Variants in AFF1 observed in about 807,000 individuals in gnomAD.
AFF1 encodes ALF transcription elongation factor 1, also known as AF4/FMR2 family member 1.
Under a neutral mutation model 121.7 loss-of-function variants are expected in AFF1, and 48 were observed. The observed-to-expected ratio is 0.39, with a 90% CI of 0.31 to 0.50. AFF1 has a LOEUF of 0.50. Ranked by LOEUF, AFF1 falls within the 20% of genes least tolerant of loss-of-function variation. The pLI, the probability that AFF1 is intolerant of heterozygous loss-of-function variation, is 0.76. For synonymous variants in AFF1, 613 were observed against 563.0 expected (o/e 1.09, Z -1.26); for missense variants, 1,523 against 1,511.7 (o/e 1.01, Z -0.12).
chr4:86,973,656 T>C (rs777202809), intron 2 of AFF1, among the ~76,000 whole-genome samples: 9 of 152,224 alleles, frequency 5.9e-5, no homozygotes, highest in Admixed American at 1.3e-4. Flanking sequence ...ATTTCTTACC[T>C]AGACTCAGCA....
At chr4:87,001,997 A>T (rs1385551939) in intron 2 of AFF1, among the ~76,000 whole-genome samples, 1 of 152,258 alleles carries the variant, frequency 6.6e-6, no homozygotes, top group African/African-American at 2.4e-5. Flanking sequence ...AAAATGCTAC[A>T]AAGGGTAGAA....
intron 12 of AFF1, among the ~76,000 whole-genome samples, chr4:87,115,764 A>G (rs779931448): frequency 4.3e-4 from 65 of 151,684 alleles, no homozygotes; most frequent in Admixed American, 3.3e-3. Flanking sequence ...GTGTGCCACC[A>G]CACCCGGCTA....
chr4:86,940,090 G>A (rs562662314), intron 1 of AFF1, among the ~76,000 whole-genome samples: 188 of 152,260 alleles, frequency 1.2e-3, no homozygotes, highest in Non-Finnish European at 1.4e-3. Flanking sequence ...AGGCAGAGGC[G>A]AAAGGATCAT....
chr4:87,016,157 G>A (rs530457525), intron 2 of AFF1, among the ~76,000 whole-genome samples: 1 of 152,230 alleles, frequency 6.6e-6, no homozygotes, highest in East Asian at 1.9e-4. Context: ...CTCCAGCCTG[G>A]GCGATCTTTT....
chr4:86,984,408 C>A (rs1724044718), intron 2 of AFF1, among the ~76,000 whole-genome samples: 1 of 149,992 alleles, frequency 6.7e-6, no homozygotes, highest in Non-Finnish European at 1.5e-5. Context: ...GCTCACGCAA[C>A]TTCTGTCTCC....
chr4:86,970,413 A>G (rs10015639), intron 2 of AFF1, among the ~76,000 whole-genome samples: 115,373 of 152,080 alleles, frequency 0.76, 44,407 homozygotes, highest in South Asian at 0.83. Context: ...CCATCCTGCT[A>G]CCTCCTTAAG....
At chr4:87,096,319 T>C (rs1672541999) in intron 8 of AFF1, among the ~76,000 whole-genome samples, 1 of 89,436 alleles carries the variant, frequency 1.1e-5, no homozygotes, top group Non-Finnish European at 2.4e-5. Context: ...TTTTTTTTTT[T>C]TGGAGACAGG....
chr4:87,006,867 C>A, intron 2 of AFF1: 1 of 762,772 alleles, frequency 1.3e-6, no homozygotes, highest in Non-Finnish European at 1.6e-6. Context: ...CTGCCGCTTG[C>A]CGCCTGCCTT....
At chr4:86,970,176 ATC>A (rs1722844918) in intron 2 of AFF1, among the ~76,000 whole-genome samples, 2 of 152,044 alleles carry the variant, frequency 1.3e-5, no homozygotes, top group African/African-American at 4.8e-5. Context: ...ATGTGCATAT[ATC>A]AATTTTATAG....
intron 4 of AFF1, among the ~76,000 whole-genome samples, chr4:87,069,468 C>T (rs904770531): frequency 7.4e-5 from 11 of 149,016 alleles, no homozygotes; most frequent in Non-Finnish European, 1.5e-4. Flanking sequence ...CCCTCCCTCT[C>T]GTCTCTCTTC....
At chr4:87,097,725 TG>T (rs1199020301) in intron 8 of AFF1, among the ~76,000 whole-genome samples, 2 of 151,954 alleles carry the variant, frequency 1.3e-5, no homozygotes, top group African/African-American at 4.8e-5. Flanking sequence ...GGTGATTATG[TG>T]GGGGGTAGAC....
intron 4 of AFF1, among the ~76,000 whole-genome samples, chr4:87,068,560 A>G (rs1347140867): frequency 1.3e-5 from 2 of 152,188 alleles, no homozygotes; most frequent in East Asian, 1.9e-4. Flanking sequence ...GTATGGAGGC[A>G]TTGCCCATTT....
chr4:87,093,513 G>C (rs578137193), intron 7 of AFF1, among the ~76,000 whole-genome samples: 38 of 152,282 alleles, frequency 2.5e-4, no homozygotes, highest in South Asian at 1.2e-3. Context: ...CTGGAGAGGG[G>C]AGGTAGGGGG....
At chr4:86,969,276 A>C (rs2149477170) in intron 2 of AFF1, among the ~76,000 whole-genome samples, 1 of 151,714 alleles carries the variant, frequency 6.6e-6, no homozygotes, top group Admixed American at 6.6e-5. Context: ...CAGGAGATCA[A>C]GACCCATCCT....
Position 87,134,584 on chromosome 4 carries a change from C to T in AFF1, c.3425C>T (p.Thr1142Ile). ...AGTGGGGTGGCTGCCACTATCAGCA[C>T]CCCAGTCACCATCCAGAATATGACA... ...GSSGVAATIS[T>I]PVTIQNMTSS... Residue 1142 changes from threonine (T) to isoleucine (I), a missense_variant, in exon 20 of 21, where the codon ACC becomes ATC. Thr to Ile is a moderately conservative substitution (Grantham distance 89). This residue lies in a region of AFF1 where 241 missense variants were observed against 265.2 expected (regional missense o/e 0.91). Coordinates refer to ENST00000395146, the MANE Select transcript of AFF1 (RefSeq NM_001166693.3). 1 of 1,614,150 alleles carries T rather than the reference C, an allele frequency of 6.2e-7. No homozygotes were observed. Among genetic ancestry groups the T allele is most frequent in the African/African-American group, 1.3e-5 (1 of 75,038 alleles).
intron 2 of AFF1, among the ~76,000 whole-genome samples, chr4:87,002,515 T>C (rs930061128): frequency 6.9e-6 from 1 of 144,426 alleles, no homozygotes; most frequent in Non-Finnish European, 1.5e-5. Flanking sequence ...CACTGCAGTC[T>C]CTGCCTCCCA....
chr4:87,040,138 TC>T (rs529235476), intron 2 of AFF1, among the ~76,000 whole-genome samples: 97 of 152,204 alleles, frequency 6.4e-4, no homozygotes, highest in African/African-American at 2.3e-3. Context: ...CAGGTGATCC[TC>T]CCACCTCGGC....
chr4:86,949,802 C>T, intron 2 of AFF1: 1 of 1,613,968 alleles, frequency 6.2e-7, no homozygotes, highest in Non-Finnish European at 8.5e-7. Flanking sequence ...CACTGGGAGA[C>T]ACTGCGTCAT....
rs752056970 is a variant in AFF1, at chr4:87,127,158, G to A, written c.2903+41G>A. 2.0e-5 allele frequency: 22 copies of A among 1,124,192 alleles called. No individual in the cohort carries two copies. The East Asian group carries it at 6.5e-4, about 33-fold the overall frequency. 69.6% of individuals were successfully genotyped at this position (1,124,192 alleles called of 1,614,324 possible). A position where few individuals can be genotyped will look rare whatever the true frequency, so the allele number is the denominator to read the frequency against. On this transcript the variant is annotated intron_variant, in intron 15 of 20. Transcript: ENST00000395146. Reference sequence around the variant, plus strand: ...ATTTCTTCTTGCTCTGTTTTGTTTTGTTTTGCTTCCCCCCCCCACCAAGAT... The same window carrying A: ...ATTTCTTCTTGCTCTGTTTTGTTTTATTTTGCTTCCCCCCCCCACCAAGAT...
Sources: gnomAD v4.1 joint callset for allele counts (sites outside exome capture counted in the v4.1 genomes callset) on GRCh38, gnomAD v4.1.1 for gene constraint, gnomAD v4.1.1 regional missense constraint, MANE v1.5 for transcripts, NCBI Gene and HGNC (gene_info 2026-07-23, HGNC 2026-07-21) for gene names.